Variants in TSC1 observed in about 807,000 individuals in gnomAD.
The protein encoded by TSC1 is hamartin.
TSC1 carries 20 observed loss-of-function variants against 124.3 expected under a neutral mutation model. That is an observed-to-expected ratio of 0.16 (90% CI 0.11 to 0.23). The LOEUF is 0.23. TSC1 is among the 10% of genes least tolerant of loss of function. The pLI is 1.00. For missense variants in TSC1, 1,124 were observed against 1,448.5 expected, an observed-to-expected ratio of 0.78 and a Z score of 3.64; for synonymous variants, 493 against 539.1, an observed-to-expected ratio of 0.91 and a Z score of 1.19.
chr9:132,938,538 CA>C lies in TSC1; in HGVS notation c.-143-3444del, dbSNP rs200041869. On this transcript the variant is annotated intron_variant, in intron 1 of 22. Transcript: ENST00000298552. Reference sequence around the variant, plus strand: ...GTATTTTGAGATGAAACAGAAGGCACATAGATCAATCTGTTTTCACTGTTCA... The same window carrying C: ...GTATTTTGAGATGAAACAGAAGGCACTAGATCAATCTGTTTTCACTGTTCA... 6.1e-3 allele frequency among the ~76,000 whole-genome samples: 935 copies of C among 152,306 alleles called. 16 individuals carry two copies. The highest frequency in any genetic ancestry group is 0.021 in the African/African-American group (862 of 41,560).
At chr9:132,944,675 G>T (rs934233966), upstream of TSC1, 1 of 398,800 alleles carries the variant, frequency 2.5e-6, no homozygotes, top group Non-Finnish European at 4.4e-6. Context: ...ACGAAAAAGA[G>T]TCCCCCTCCG....
chr9:132,929,547 C>T (rs1847093596), intron 2 of TSC1, among the ~76,000 whole-genome samples: 1 of 152,150 alleles, frequency 6.6e-6, no homozygotes, highest in Admixed American at 6.5e-5. Flanking sequence ...ATCATCAGGG[C>T]AAATCTTCAA....
rs1845469261 is a variant in TSC1, at chr9:132,903,126, G to C, written c.2209-339C>G. On this transcript the variant is annotated intron_variant, in intron 17 of 22. Coordinates refer to ENST00000298552, the MANE Select transcript of TSC1 (RefSeq NM_000368.5). The surrounding 1 kb of genome is among the most constrained non-coding windows in gnomAD (Gnocchi z 5.9). ...GATGAGCATTTACTGAATGCTTGCA[G>C]TGTGCTGGGCGCTCAGCAAGGGCTT... Among the ~76,000 whole-genome samples, 1 of 152,214 alleles carries C rather than the reference G, an allele frequency of 6.6e-6. No individual in the cohort carries two copies. The highest frequency in any genetic ancestry group is 1.5e-5 in the Non-Finnish European group (1 of 68,040).
At chr9:132,933,740 C>T (rs565000652) in intron 2 of TSC1, among the ~76,000 whole-genome samples, 40 of 152,278 alleles carry the variant, frequency 2.6e-4, no homozygotes, top group African/African-American at 7.9e-4. Context: ...CTTCTAAAAT[C>T]TGACTACTAA....
chr9:132,892,113 G>C lies in TSC1; in HGVS notation c.*4122C>G, dbSNP rs1844801688. On this transcript the variant is annotated 3_prime_UTR_variant, in exon 23 of 23. Coordinates refer to ENST00000298552, the MANE Select transcript of TSC1 (RefSeq NM_000368.5). ...CAGCTACTCTTCCCTCAGGCGAGCA[G>C]ATAAGGACTGCAGGACGGCATGGAA... The C allele has an allele frequency of 4.3e-6, 1 of 233,150 alleles. No individual in the cohort carries two copies. Among genetic ancestry groups the C allele is most frequent in the Non-Finnish European group, 8.5e-6 (1 of 118,024 alleles). 14.4% of individuals were successfully genotyped at this position (233,150 alleles called of 1,614,324 possible). A position where few individuals can be genotyped will look rare whatever the true frequency, so the allele number is the denominator to read the frequency against.
rs575246018 is a variant in TSC1, at chr9:132,895,393, C to T, written c.*842G>A. 5.6e-5 allele frequency: 13 copies of T among 233,414 alleles called. No homozygotes were observed. Among genetic ancestry groups the T allele is most frequent in the South Asian group, 1.8e-4 (1 of 5,538 alleles). 14.5% of individuals were successfully genotyped at this position (233,414 alleles called of 1,614,324 possible). On this transcript the variant is annotated 3_prime_UTR_variant, in exon 23 of 23. Coordinates refer to ENST00000298552, the MANE Select transcript of TSC1 (RefSeq NM_000368.5). ...CAGTTCCTCATGCTCAAGTGCTTCTCGGGTAACCTCTCCCAGTGACTGCTC... is the reference window on the plus strand; with the variant it reads ...CAGTTCCTCATGCTCAAGTGCTTCTTGGGTAACCTCTCCCAGTGACTGCTC...
intron 2 of TSC1, among the ~76,000 whole-genome samples, chr9:132,929,429 C>T (rs935762266): frequency 1.3e-5 from 2 of 152,170 alleles, no homozygotes; most frequent in South Asian, 4.1e-4. Flanking sequence ...AGTCCAACAT[C>T]TAGCATAAAC....
intron 8 of TSC1, among the ~76,000 whole-genome samples, chr9:132,920,795 C>G (rs7858160): frequency 6.6e-6 from 1 of 151,834 alleles, no homozygotes; most frequent in African/African-American, 2.4e-5. Flanking sequence ...CTTTATCTCC[C>G]TCGCTCAGTC....
At chr9:132,939,828 C>A (rs973045926) in intron 1 of TSC1, among the ~76,000 whole-genome samples, 2 of 152,136 alleles carry the variant, frequency 1.3e-5, no homozygotes, top group Non-Finnish European at 2.9e-5. Flanking sequence ...GGTCCTGGCA[C>A]CACGAGCAGG....
chr9:132,896,769 G>C lies in TSC1; in HGVS notation c.2976-15C>G, dbSNP rs1195411560. On this transcript the variant is annotated splice_polypyrimidine_tract_variant and intron_variant, in intron 22 of 22. Coordinates refer to ENST00000298552, the MANE Select transcript of TSC1 (RefSeq NM_000368.5). This position sits in a 1 kb window ranked among gnomAD's most constrained non-coding sequence, Gnocchi z 4.5. ...AACAGTCAAGCCTGTAAGAAAGCCG[G>C]GGAGGAAAAAAGGAGCTGGTGATTG... is the stretch of plus-strand genomic sequence containing the variant. The C allele has an allele frequency of 6.2e-7, 1 of 1,613,354 alleles. No homozygotes were observed. The highest frequency in any genetic ancestry group is 8.5e-7 in the Non-Finnish European group (1 of 1,180,034).
At chr9:132,932,481 T>C (rs1381736633) in intron 2 of TSC1, among the ~76,000 whole-genome samples, 1 of 152,182 alleles carries the variant, frequency 6.6e-6, no homozygotes, top group East Asian at 1.9e-4. Context: ...ACAAAATTCA[T>C]TTGCCTCCAA....
chr9:132,936,036 C>G (rs1847441591), intron 1 of TSC1, among the ~76,000 whole-genome samples: 2 of 152,216 alleles, frequency 1.3e-5, no homozygotes, highest in Non-Finnish European at 2.9e-5. Flanking sequence ...GCAGCTTACT[C>G]AGTACTGTAT....
chr9:132,905,868 C>T lies in TSC1; in HGVS notation c.1710G>A (p.Arg570=), dbSNP rs777386797. The change falls in exon 15 of 23, where the codon AGG becomes AGA. Residue 570 remains arginine (R), a synonymous_variant. Coordinates refer to ENST00000298552, the MANE Select transcript of TSC1 (RefSeq NM_000368.5). The part of the protein sequence containing the change: ...GSADESPAGD[R]ECQTSLETSI... ...TGGTCTCCAAAGAAGTCTGGCATTC[C>T]CTGTCTCCCGCAGGGCTTTCATCAG... is the stretch of plus-strand genomic sequence containing the variant. 3 of 1,612,596 alleles carry T rather than the reference C, an allele frequency of 1.9e-6. No homozygotes were observed. The highest frequency in any genetic ancestry group is 2.2e-5 in the South Asian group (2 of 91,062).
At chr9:132,905,323 G>C (rs906265247) in intron 15 of TSC1, among the ~76,000 whole-genome samples, 2 of 152,192 alleles carry the variant, frequency 1.3e-5, no homozygotes, top group East Asian at 1.9e-4. Context: ...TCATAGAACA[G>C]AGGCATAAAA....
At position 132,923,337 on chromosome 9, in the gene TSC1, G is replaced by C. The variant is rs756674232; in HGVS notation, c.508+11C>G. ...TCACAGGGCCCAACAGGTATATGAG[G>C]AGATCTGTACCTGGTTTCTTCAGGC... On this transcript the variant is annotated intron_variant, in intron 6 of 22. Transcript: ENST00000298552. This position sits in a 1 kb window ranked among gnomAD's most constrained non-coding sequence, Gnocchi z 4.2. 1 of 1,614,020 alleles carries C rather than the reference G, an allele frequency of 6.2e-7. No homozygotes were observed. The highest frequency in any genetic ancestry group is 1.7e-5 in the Admixed American group (1 of 60,010).
chr9:132,896,340 C>G lies in TSC1; in HGVS notation c.3390G>C (p.Lys1130Asn), dbSNP rs1845035929. ...ELGKDLGVEAKIPLNLDGPHP... is the reference protein window; with the variant it reads ...ELGKDLGVEANIPLNLDGPHP... ...GAGGGCCATCTAGGTTCAGGGGAAT[C>G]TTGGCTTCCACACCCAAGTCTTTGC... The change falls in exon 23 of 23, where the codon AAG becomes AAC. Residue 1130 changes from lysine (K) to asparagine (N), a missense_variant. Transcript: ENST00000298552. This position sits in a 1 kb window ranked among gnomAD's most constrained non-coding sequence, Gnocchi z 4.5. 1 of 1,614,106 alleles carries G rather than the reference C, an allele frequency of 6.2e-7. No homozygotes were observed. The highest frequency in any genetic ancestry group is 1.3e-5 in the African/African-American group (1 of 74,936).
Position 132,910,577 on chromosome 9 carries a change from G to T in TSC1, c.1257C>A (p.Pro419=), listed in dbSNP as rs369642207. The T allele has an allele frequency of 1.9e-6, 3 of 1,614,028 alleles. No homozygotes were observed. The highest frequency in any genetic ancestry group is 1.7e-6 in the Non-Finnish European group (2 of 1,180,018). The change falls in exon 12 of 23, where the codon CCC becomes CCA. Residue 419 remains proline (P), a synonymous_variant. Coordinates refer to ENST00000298552, the MANE Select transcript of TSC1 (RefSeq NM_000368.5). Reference sequence around the variant, plus strand: ...CAGACGAGCTGGATCGCACCTTCCTGGGGGGTGTGACTGTGGCCTGGGGGA... The same window carrying T: ...CAGACGAGCTGGATCGCACCTTCCTTGGGGGTGTGACTGTGGCCTGGGGGA... ...ISLPQATVTP[P]RKEERMDSAR...
chr9:132,897,588 G>A lies in TSC1; in HGVS notation c.2648C>T (p.Ala883Val). Reference sequence around the variant, plus strand: ...GTTTTTTTCTAGCTCTTTCCGATAGGCGGCTTTCATCATTTCTACTTCCTG... The same window carrying A: ...GTTTTTTTCTAGCTCTTTCCGATAGACGGCTTTCATCATTTCTACTTCCTG... ...TTKEVEMMKA[A>V]YRKELEKNRS... Residue 883 changes from alanine to valine, a missense_variant, in exon 21 of 23, where the codon GCC becomes GTC. Physicochemically the swap from Ala to Val is moderately conservative, Grantham distance 64 (BLOSUM62 0). This residue lies in a region of TSC1 where 325 missense variants were observed against 383.4 expected (regional missense o/e 0.85). Transcript: ENST00000298552. 1 of 1,590,576 alleles carries A rather than the reference G, an allele frequency of 6.3e-7. No homozygotes were observed. Among genetic ancestry groups the A allele is most frequent in the South Asian group, 1.2e-5 (1 of 85,936 alleles).
intron 19 of TSC1, among the ~76,000 whole-genome samples, chr9:132,901,072 A>G (rs1845350206): frequency 6.6e-6 from 1 of 152,158 alleles, no homozygotes; most frequent in African/African-American, 2.4e-5. Flanking sequence ...GACAGCACAA[A>G]TGCAGTCCAT....
Sources: gnomAD v4.1 joint callset for allele counts (sites outside exome capture counted in the v4.1 genomes callset) on GRCh38, gnomAD v4.1.1 for gene constraint, gnomAD v4.1.1 regional missense constraint, Gnocchi (gnomAD v3.1) non-coding constraint, MANE v1.5 for transcripts, NCBI Gene and HGNC (gene_info 2026-07-23, HGNC 2026-07-21) for gene names.